Variants in GALNT18 observed in about 807,000 individuals in gnomAD.
GALNT18 encodes the protein polypeptide N-acetylgalactosaminyltransferase 18.
In GALNT18, 44 loss-of-function variants were observed where a neutral mutation model predicts 69.5. That is an observed-to-expected ratio of 0.63 (90% CI 0.50 to 0.81). GALNT18 has a LOEUF of 0.81. Among genes scored for constraint, GALNT18 ranks in the 40% least tolerant of loss-of-function variants. The pLI is 0.00. For missense variants in GALNT18, 715 were observed against 810.0 expected (o/e 0.88, Z 1.42); for synonymous variants, 364 against 318.2 (o/e 1.14, Z -1.53).
At chr11:11,487,666 T>C (rs1222096783) in intron 1 of GALNT18, among the ~76,000 whole-genome samples, 2 of 152,182 alleles carry the variant, frequency 1.3e-5, no homozygotes, top group African/African-American at 4.8e-5. Flanking sequence ...TGGCTTCTAA[T>C]AAGAACAGTG....
intron 6 of GALNT18, among the ~76,000 whole-genome samples, chr11:11,370,001 G>A (rs1334668175): frequency 6.6e-6 from 1 of 152,060 alleles, no homozygotes; most frequent in Non-Finnish European, 1.5e-5. Context: ...ATCTGGGGCT[G>A]AATCCTTTCT....
rs1342430368 is a variant in GALNT18, at chr11:11,584,222, C to G, written c.235+37137G>C. Among the ~76,000 whole-genome samples, 1 of 152,142 alleles carries G rather than the reference C, an allele frequency of 6.6e-6. No individual in the cohort carries two copies. The highest frequency in any genetic ancestry group is 1.5e-5 in the Non-Finnish European group (1 of 68,036). On this transcript the variant is annotated intron_variant, in intron 1 of 10. Transcript: ENST00000227756. This position sits in a 1 kb window ranked among gnomAD's most constrained non-coding sequence, Gnocchi z 4.1. Reference sequence around the variant, plus strand: ...AAATTAGAGCAAAGTGTCCTTCCAGCAGCTGGGGACAGGAAGCTCGAGGAT... The same window carrying G: ...AAATTAGAGCAAAGTGTCCTTCCAGGAGCTGGGGACAGGAAGCTCGAGGAT...
chr11:11,388,476 C>T (rs1166347722), intron 3 of GALNT18, among the ~76,000 whole-genome samples: 1 of 152,136 alleles, frequency 6.6e-6, no homozygotes, highest in African/African-American at 2.4e-5. Context: ...TCCCTTTCTT[C>T]CTCTCTCTCT....
rs1287312785 is a variant in GALNT18, at chr11:11,492,868, C to T, written c.236-43932G>A. Among the ~76,000 whole-genome samples, 3 of 152,126 alleles carry T rather than the reference C, an allele frequency of 2.0e-5. No homozygotes were observed. In the East Asian group the frequency reaches 5.8e-4, roughly 29 times the overall value. On this transcript the variant is annotated intron_variant, in intron 1 of 10. Coordinates refer to ENST00000227756, the MANE Select transcript of GALNT18 (RefSeq NM_198516.3). ...CCAAGGCACATGTATACCTATGTAA[C>T]AAACCACGTTCTGCACATGTATCCC...
In GALNT18 at chr11:11,377,444, T is replaced by C. The variant is rs1853794292; in HGVS notation, c.780-65A>G. On this transcript the variant is annotated intron_variant, in intron 4 of 10. Transcript: ENST00000227756. This position sits in a 1 kb window ranked among gnomAD's most constrained non-coding sequence, Gnocchi z 4.6. Reference sequence around the variant, plus strand: ...CAAGGTGGAAAAATCCAGAGTAGCATCTCCTGAAGGTCCTTCCCCAGCAGA... The same window carrying C: ...CAAGGTGGAAAAATCCAGAGTAGCACCTCCTGAAGGTCCTTCCCCAGCAGA... The C allele has an allele frequency of 6.9e-7, 1 of 1,440,420 alleles. No homozygotes were observed. Among genetic ancestry groups the C allele is most frequent in the Non-Finnish European group, 9.7e-7 (1 of 1,027,218 alleles). 89.2% of individuals were successfully genotyped at this position (1,440,420 alleles called of 1,614,324 possible).
At chr11:11,539,291 C>A (rs887199299) in intron 1 of GALNT18, among the ~76,000 whole-genome samples, 2 of 152,192 alleles carry the variant, frequency 1.3e-5, no homozygotes, top group Admixed American at 6.5e-5. Flanking sequence ...CTGCCTCCCC[C>A]ACAGTCTTCC....
At chr11:11,385,702 A>C (rs935158237) in intron 3 of GALNT18, among the ~76,000 whole-genome samples, 1 of 152,184 alleles carries the variant, frequency 6.6e-6, no homozygotes, top group Admixed American at 6.5e-5. Flanking sequence ...CTACAGAAGT[A>C]GTTGTCAATT....
chr11:11,418,297 C>A (rs1222794131), intron 3 of GALNT18, among the ~76,000 whole-genome samples: 1 of 152,206 alleles, frequency 6.6e-6, no homozygotes, highest in Non-Finnish European at 1.5e-5. Context: ...TCAGTTTCCT[C>A]ATCTATGAGA....
chr11:11,506,064 T>C (rs527578570), intron 1 of GALNT18, among the ~76,000 whole-genome samples: 39 of 152,316 alleles, frequency 2.6e-4, no homozygotes, highest in African/African-American at 9.1e-4. Flanking sequence ...CTGGCTGCTT[T>C]AGTCCTCGGG....
At chr11:11,384,702 T>C (rs1854007530) in intron 3 of GALNT18, among the ~76,000 whole-genome samples, 1 of 152,152 alleles carries the variant, frequency 6.6e-6, no homozygotes, top group Non-Finnish European at 1.5e-5. Context: ...GTCTGTGACC[T>C]GGAAGAGGGC....
rs1318951185 is a variant in GALNT18 at position 11,606,837 on chromosome 11, C to CA, written c.235+14521dup. Among the ~76,000 whole-genome samples, 11 of 152,340 alleles carry CA rather than the reference C, an allele frequency of 7.2e-5. No individual in the cohort carries two copies. The highest frequency in any genetic ancestry group is 2.6e-4 in the African/African-American group (11 of 41,586). On this transcript the variant is annotated intron_variant, in intron 1 of 10. Transcript: ENST00000227756. The surrounding 1 kb of genome is among the most constrained non-coding windows in gnomAD (Gnocchi z 5.4). Reference sequence around the variant, plus strand: ...GACCCTATCCAGGGCCTCCAGGACCCAGTAGAGGCTCCTCAGGGTAGTCCT... The same window carrying CA: ...GACCCTATCCAGGGCCTCCAGGACCCAAGTAGAGGCTCCTCAGGGTAGTCCT...
chr11:11,452,928 A>C (rs1564956993), intron 1 of GALNT18, among the ~76,000 whole-genome samples: 1 of 152,196 alleles, frequency 6.6e-6, no homozygotes, highest in South Asian at 2.1e-4. Flanking sequence ...TTCGAGGCAG[A>C]GATTGAGCAG....
At chr11:11,423,671 G>A (rs1275367782) in intron 3 of GALNT18, among the ~76,000 whole-genome samples, 1 of 152,188 alleles carries the variant, frequency 6.6e-6, no homozygotes, top group Non-Finnish European at 1.5e-5. Context: ...AAGGGATAAG[G>A]ACAAAATTCA....
chr11:11,369,556 T>C (rs1319494358), intron 6 of GALNT18, among the ~76,000 whole-genome samples: 2 of 152,140 alleles, frequency 1.3e-5, no homozygotes, highest in Non-Finnish European at 2.9e-5. Flanking sequence ...TGGTTTCAAA[T>C]GAGATCACAT....
intron 9 of GALNT18, among the ~76,000 whole-genome samples, chr11:11,317,354 A>G (rs1484769747): frequency 6.6e-6 from 1 of 152,212 alleles, no homozygotes; most frequent in African/African-American, 2.4e-5. Context: ...TGGGTCTCCA[A>G]TATTTCTGGG....
intron 1 of GALNT18, among the ~76,000 whole-genome samples, chr11:11,492,359 A>C (rs1276423260): frequency 6.6e-6 from 1 of 152,142 alleles, no homozygotes; most frequent in East Asian, 1.9e-4. Context: ...TTAGAAACCA[A>C]CAATAACACT....
intron 3 of GALNT18, among the ~76,000 whole-genome samples, chr11:11,394,681 C>T (rs967059549): frequency 2.6e-5 from 4 of 152,244 alleles, no homozygotes; most frequent in Non-Finnish European, 5.9e-5. Context: ...ATCATGGCCT[C>T]ACTAGGTCTC....
At chr11:11,308,688 A>G (rs1173293647) in intron 9 of GALNT18, among the ~76,000 whole-genome samples, 23 of 151,516 alleles carry the variant, frequency 1.5e-4, no homozygotes, top group Admixed American at 1.5e-3. Context: ...ACCCTAGTGT[A>G]AAAAACATCT....
intron 1 of GALNT18, among the ~76,000 whole-genome samples, chr11:11,467,769 C>G (rs984360925): frequency 6.6e-6 from 1 of 152,190 alleles, no homozygotes; most frequent in African/African-American, 2.4e-5. Context: ...GGGTTTGGGG[C>G]ATCTCTTTTG....
Sources: gnomAD v4.1 joint callset for allele counts (sites outside exome capture counted in the v4.1 genomes callset) on GRCh38, gnomAD v4.1.1 for gene constraint, Gnocchi (gnomAD v3.1) non-coding constraint, MANE v1.5 for transcripts, NCBI Gene and HGNC (gene_info 2026-07-23, HGNC 2026-07-21) for gene names.